The following PHLDB2 variants were observed in gnomAD, a reference collection of about 807,000 sequenced individuals.
The protein encoded by PHLDB2 is pleckstrin homology like domain family B member 2, also known as pleckstrin homology-like domain family B member 2.
In PHLDB2, 71 loss-of-function variants were observed where a neutral mutation model predicts 123.6. The observed-to-expected ratio is 0.57, with a 90% CI of 0.47 to 0.70. The LOEUF (loss-of-function observed/expected upper bound fraction) is 0.70. PHLDB2 is among the 30% of genes least tolerant of loss of function. The pLI is 0.00. For missense variants in PHLDB2, 1,446 were observed against 1,519.5 expected (o/e 0.95, Z 0.80); for synonymous variants, 547 against 541.6 (o/e 1.01, Z -0.14).
At chr3:111,866,881 T>C (rs780990576) in intron 1 of PHLDB2, among the ~76,000 whole-genome samples, 1 of 151,450 alleles carries the variant, frequency 6.6e-6, no homozygotes, top group Non-Finnish European at 1.5e-5. Flanking sequence ...TGTGAAGAAC[T>C]TGACCTAAAG....
At chr3:111,852,723 A>G (rs2064312623) in intron 2 of PHLDB2, among the ~76,000 whole-genome samples, 1 of 151,198 alleles carries the variant, frequency 6.6e-6, no homozygotes, top group South Asian at 2.1e-4. Context: ...AGTGAGCCAG[A>G]TAACACAGCT....
At chr3:111,862,658 G>A (rs966201697) in intron 1 of PHLDB2, among the ~76,000 whole-genome samples, 2 of 152,070 alleles carry the variant, frequency 1.3e-5, no homozygotes, top group East Asian at 3.9e-4. Context: ...CAAGAAACTT[G>A]TTTAACTGTG....
At chr3:111,751,931 GA>G (rs2059784425) in intron 1 of PHLDB2, among the ~76,000 whole-genome samples, 1 of 152,132 alleles carries the variant, frequency 6.6e-6, no homozygotes, top group Non-Finnish European at 1.5e-5. Flanking sequence ...GCATCTCAGA[GA>G]ATCTATTCAG....
chr3:111,881,430 T>A (rs1465646702), intron 1 of PHLDB2, among the ~76,000 whole-genome samples: 1 of 152,230 alleles, frequency 6.6e-6, no homozygotes, highest in Non-Finnish European at 1.5e-5. Flanking sequence ...TATAACTTAT[T>A]ACTGCAATAT....
chr3:111,945,628 G>A (rs1186646612), intron 9 of PHLDB2, among the ~76,000 whole-genome samples: 1 of 151,988 alleles, frequency 6.6e-6, no homozygotes, highest in Non-Finnish European at 1.5e-5. Context: ...GACATTGTGG[G>A]TTAATCTGGG....
chr3:111,785,166 G>T (rs2060631701), intron 1 of PHLDB2, among the ~76,000 whole-genome samples: 1 of 152,002 alleles, frequency 6.6e-6, no homozygotes, highest in East Asian at 1.9e-4. Context: ...AGCAACTTTG[G>T]CATCTAGCTT....
At chr3:111,737,119 A>G (rs1559804938) in intron 1 of PHLDB2, among the ~76,000 whole-genome samples, 1 of 152,222 alleles carries the variant, frequency 6.6e-6, no homozygotes, top group Non-Finnish European at 1.5e-5. Flanking sequence ...AACCAGCTAC[A>G]GTTACAGGAG....
intron 1 of PHLDB2, among the ~76,000 whole-genome samples, chr3:111,826,136 T>C (rs2062643390): frequency 2.0e-5 from 3 of 151,862 alleles, no homozygotes; most frequent in Non-Finnish European, 1.5e-5. Flanking sequence ...ACCCCATCTC[T>C]ACTAAAAATA....
chr3:111,846,228 C>A, intron 2 of PHLDB2: 2 of 295,468 alleles, frequency 6.8e-6, no homozygotes, highest in Non-Finnish European at 1.3e-5. Context: ...ACTCATCAGT[C>A]ATTCAGAAAT....
intron 1 of PHLDB2, among the ~76,000 whole-genome samples, chr3:111,793,188 G>A (rs766873339): frequency 6.6e-6 from 1 of 152,152 alleles, no homozygotes; most frequent in Non-Finnish European, 1.5e-5. Flanking sequence ...CCAGGATCAG[G>A]AACTTTAGGA....
intron 1 of PHLDB2, among the ~76,000 whole-genome samples, chr3:111,833,997 T>TTA (rs1472464122): frequency 9.7e-6 from 1 of 103,008 alleles, no homozygotes; most frequent in African/African-American, 5.1e-5. Context: ...TGTAATAGAA[T>TTA]TATATATAAT....
intron 16 of PHLDB2, among the ~76,000 whole-genome samples, chr3:111,972,883 A>G (rs1475681193): frequency 6.6e-6 from 1 of 152,124 alleles, no homozygotes; most frequent in Non-Finnish European, 1.5e-5. Context: ...ATTGCTTAGT[A>G]AGAGGATTTT....
rs140839834 is a variant in PHLDB2, at chr3:111,919,892, A to C, written c.1864-390A>C. Among the ~76,000 whole-genome samples the C allele has an allele frequency of 6.2e-4, 94 of 152,234 alleles. 3 individuals are homozygous for C. The East Asian group carries it at 0.018, about 28-fold the overall frequency. ...CTCCTGCTAGCATTGCGAGGAATGC[A>C]GAGCTCACATGCTGGGCTTGGGTAA... On this transcript the variant is annotated intron_variant, in intron 4 of 17. Transcript: ENST00000431670.
In PHLDB2 at chr3:111,859,530, G is replaced by A. The variant is rs1010832571; in HGVS notation, c.-61G>A. ...GACGGTGTGGCGTGGCGCAAGGAGCGCGCCTGCCTTCTCTCGCCGCCGGGA... is the reference window on the plus strand; with the variant it reads ...GACGGTGTGGCGTGGCGCAAGGAGCACGCCTGCCTTCTCTCGCCGCCGGGA... On this transcript the variant is annotated 5_prime_UTR_variant, in exon 1 of 18. Transcript: ENST00000431670. 1 of 985,586 alleles carries A rather than the reference G, an allele frequency of 1.0e-6. No individual in the cohort carries two copies. The highest frequency in any genetic ancestry group is 1.2e-6 in the Non-Finnish European group (1 of 830,036). The allele number at this position is 985,586 out of a possible 1,614,324, so 61.1% of individuals were successfully genotyped here.
intron 2 of PHLDB2, among the ~76,000 whole-genome samples, chr3:111,892,495 G>T (rs1470369451): frequency 6.6e-6 from 1 of 152,052 alleles, no homozygotes; most frequent in Non-Finnish European, 1.5e-5. Context: ...ATTTATTCTG[G>T]GTTTCCTTAA....
At chr3:111,765,214 C>T (rs557844140) in intron 1 of PHLDB2, among the ~76,000 whole-genome samples, 8 of 152,282 alleles carry the variant, frequency 5.3e-5, no homozygotes, top group South Asian at 2.1e-4. Flanking sequence ...TCTTCACTAA[C>T]GCACTTTCTA....
chr3:111,897,702 A>T (rs2066953864), intron 2 of PHLDB2, among the ~76,000 whole-genome samples: 1 of 152,258 alleles, frequency 6.6e-6, no homozygotes, highest in African/African-American at 2.4e-5. Context: ...CATTCTGATT[A>T]TAGAATAACA....
At chr3:111,835,145 T>C (rs921853964) in intron 1 of PHLDB2, among the ~76,000 whole-genome samples, 3 of 152,140 alleles carry the variant, frequency 2.0e-5, no homozygotes, top group Admixed American at 2.0e-4. Context: ...GCCTTAAATA[T>C]TTAATCCTTA....
intron 6 of PHLDB2, among the ~76,000 whole-genome samples, chr3:111,936,435 A>G (rs2069496002): frequency 1.3e-5 from 2 of 152,168 alleles, no homozygotes; most frequent in Non-Finnish European, 2.9e-5. Context: ...TTATTCATAC[A>G]TAAAATCTTG....
Sources: allele counts gnomAD v4.1 joint callset (sites outside exome capture counted in the v4.1 genomes callset), GRCh38; gene constraint gnomAD v4.1.1; transcripts MANE v1.5; gene names NCBI Gene and HGNC (gene_info 2026-07-23, HGNC 2026-07-21).